Variants in PRDM2 observed in about 807,000 individuals in gnomAD.
PRDM2 encodes the protein PR/SET domain 2.
In PRDM2, 30 loss-of-function variants were observed where a neutral mutation model predicts 130.0. The ratio of observed to expected loss-of-function variants is 0.23; its 90% CI spans 0.17 to 0.31. PRDM2 has a LOEUF of 0.31. Among genes scored for constraint, PRDM2 ranks in the 10% least tolerant of loss-of-function variants. PRDM2 has a pLI of 1.00. For missense variants in PRDM2, 2,011 were observed against 2,108.4 expected, an observed-to-expected ratio of 0.95 and a Z score of 0.90; for synonymous variants, 871 against 782.4, an observed-to-expected ratio of 1.11 and a Z score of -1.89.
chr1:13,758,577 T>C (rs1341489205), intron 6 of PRDM2, among the ~76,000 whole-genome samples: 2 of 152,236 alleles, frequency 1.3e-5, no homozygotes, highest in Non-Finnish European at 2.9e-5. Flanking sequence ...TTTCTTTCTG[T>C]TCTAACCTGT....
intron 6 of PRDM2, among the ~76,000 whole-genome samples, chr1:13,755,057 C>T (rs1381997767): frequency 2.0e-5 from 3 of 151,824 alleles, no homozygotes; most frequent in East Asian, 1.9e-4. Context: ...GTTATGGTGG[C>T]GGTCTGTTTT....
At chr1:13,794,038 G>T (rs1644883820) in intron 8 of PRDM2, among the ~76,000 whole-genome samples, 1 of 152,166 alleles carries the variant, frequency 6.6e-6, no homozygotes, top group African/African-American at 2.4e-5. Flanking sequence ...GTTCAGCCTG[G>T]TCTGCCATGA....
At chr1:13,757,271 A>G (rs541430558) in intron 6 of PRDM2, among the ~76,000 whole-genome samples, 1 of 152,330 alleles carries the variant, frequency 6.6e-6, no homozygotes, top group South Asian at 2.1e-4. Context: ...CTTTCTAGCT[A>G]TTGTCTTTCA....
At chr1:13,729,341 C>A (rs1378594608) in intron 2 of PRDM2, among the ~76,000 whole-genome samples, 1 of 152,078 alleles carries the variant, frequency 6.6e-6, no homozygotes, top group Non-Finnish European at 1.5e-5. Flanking sequence ...GCCTAGGGTC[C>A]CAGCTGAGAC....
chr1:13,765,155 T>G (rs1378526882), intron 6 of PRDM2, among the ~76,000 whole-genome samples: 6 of 152,312 alleles, frequency 3.9e-5, no homozygotes, highest in Admixed American at 3.9e-4. Flanking sequence ...TCTGAAAGCA[T>G]TTCTGGTTGA....
At chr1:13,822,675 A>G (rs1645372242) in intron 9 of PRDM2, among the ~76,000 whole-genome samples, 1 of 152,054 alleles carries the variant, frequency 6.6e-6, no homozygotes, top group Non-Finnish European at 1.5e-5. Flanking sequence ...TACAGTCGTG[A>G]GCCACCGCGC....
At chr1:13,764,945 C>T (rs1644187564) in intron 6 of PRDM2, among the ~76,000 whole-genome samples, 1 of 152,208 alleles carries the variant, frequency 6.6e-6, no homozygotes, top group Non-Finnish European at 1.5e-5. Context: ...TTTTTACTGT[C>T]AGATAAGTTT....
chr1:13,748,515 T>A (rs987181898), intron 5 of PRDM2, among the ~76,000 whole-genome samples: 1 of 152,256 alleles, frequency 6.6e-6, no homozygotes, highest in African/African-American at 2.4e-5. Flanking sequence ...ATTTTACTTG[T>A]ATTGATACCC....
At position 13,781,832 on chromosome 1, in the gene PRDM2, C is replaced by T. The variant is rs1188824867; in HGVS notation, c.4037C>T (p.Pro1346Leu). 6.8e-6 allele frequency: 11 copies of T among 1,614,028 alleles called. No homozygotes were observed. The highest frequency in any genetic ancestry group is 4.5e-5 in the East Asian group (2 of 44,892). Residue 1346 changes from proline (P) to leucine (L), a missense_variant, in exon 8 of 10, where the codon CCG becomes CTG. Pro to Leu is a moderately conservative substitution (Grantham distance 98). Around this residue, in one of 5 missense-constraint regions of PRDM2, gnomAD observed 229 missense variants for 364.1 expected, o/e 0.63. Transcript: ENST00000311066. The surrounding 1 kb of genome is among the most constrained non-coding windows in gnomAD (Gnocchi z 6.1). ...TKCGKGVDNM[P>L]ELHKHILACA... ...TGTGGAAAAGGTGTCGACAATATGC[C>T]GGAGTTGCACAAACATATCCTGGCT...
At chr1:13,704,188 G>C (rs1264423288) in intron 1 of PRDM2, among the ~76,000 whole-genome samples, 2 of 152,204 alleles carry the variant, frequency 1.3e-5, no homozygotes, top group African/African-American at 4.8e-5. Context: ...GTGGTTTTCT[G>C]AATTACAGAA....
chr1:13,778,129 T>A (rs1203679), intron 7 of PRDM2, among the ~76,000 whole-genome samples: 52,592 of 151,984 alleles, frequency 0.35, 9,635 homozygotes, highest in Admixed American at 0.49. Flanking sequence ...TAAACACAAA[T>A]CCCCAGCTCC....
intron 1 of PRDM2, among the ~76,000 whole-genome samples, chr1:13,712,176 A>G (rs1293750917): frequency 6.6e-6 from 1 of 152,016 alleles, no homozygotes; most frequent in Non-Finnish European, 1.5e-5. Flanking sequence ...GTGAGCTATG[A>G]TTGTGCCATT....
intron 8 of PRDM2, among the ~76,000 whole-genome samples, chr1:13,808,140 A>G (rs1463530164): frequency 6.6e-6 from 1 of 152,164 alleles, no homozygotes; most frequent in Admixed American, 6.5e-5. Context: ...TAAAATGTTC[A>G]ACCACTGTGT....
intron 2 of PRDM2, among the ~76,000 whole-genome samples, chr1:13,729,580 C>G (rs1265718793): frequency 6.6e-6 from 1 of 152,178 alleles, no homozygotes; most frequent in Non-Finnish European, 1.5e-5. Context: ...AATGGGGACA[C>G]TATATTTAGA....
At chr1:13,749,132 G>T (rs1204076015) in intron 5 of PRDM2, among the ~76,000 whole-genome samples, 1 of 152,028 alleles carries the variant, frequency 6.6e-6, no homozygotes, top group Non-Finnish European at 1.5e-5. Context: ...CGGGCCTTCC[G>T]CGCCCCTCGC....
intron 8 of PRDM2, among the ~76,000 whole-genome samples, chr1:13,784,023 A>G (rs1644683177): frequency 6.6e-6 from 1 of 152,230 alleles, no homozygotes. Context: ...AATCACAGCT[A>G]AAGATAGAGA....
chr1:13,770,192 G>A (rs1293243690), intron 6 of PRDM2: 8 of 342,726 alleles, frequency 2.3e-5, no homozygotes, highest in African/African-American at 6.7e-5. Flanking sequence ...CTTTTAAAGA[G>A]GACACCTGGA....
intron 8 of PRDM2, among the ~76,000 whole-genome samples, chr1:13,796,545 C>T (rs1283098242): frequency 6.6e-6 from 1 of 152,164 alleles, no homozygotes; most frequent in African/African-American, 2.4e-5. Context: ...CATTTGAACT[C>T]AGGAGTTCAA....
At position 13,780,513 on chromosome 1, in the gene PRDM2, T is replaced by C; in HGVS notation, c.2718T>C (p.Pro906=). 5 of 1,614,192 alleles carry C rather than the reference T, an allele frequency of 3.1e-6. No individual in the cohort carries two copies. The highest frequency in any genetic ancestry group is 4.2e-6 in the Non-Finnish European group (5 of 1,180,032). Residue 906 remains proline (P), a synonymous_variant, in exon 8 of 10, where the codon CCT becomes CCC. Coordinates refer to ENST00000311066, the MANE Select transcript of PRDM2 (RefSeq NM_001393986.1). The part of the protein sequence containing the change: ...YNGIDLPVEN[P]ADGTRSPSPC... ...GCATCGATTTACCTGTAGAAAACCC[T>C]GCAGATGGGACCAGGAGCCCAAGTC...
Sources: gnomAD v4.1 joint callset for allele counts (sites outside exome capture counted in the v4.1 genomes callset) on GRCh38, gnomAD v4.1.1 for gene constraint, gnomAD v4.1.1 regional missense constraint, Gnocchi (gnomAD v3.1) non-coding constraint, MANE v1.5 for transcripts, NCBI Gene and HGNC (gene_info 2026-07-23, HGNC 2026-07-21) for gene names.